The following DPH6 variants were observed in gnomAD, a reference collection of about 807,000 sequenced individuals.
DPH6 encodes the protein diphthine--ammonia ligase.
A neutral mutation model predicts 38.2 loss-of-function variants in DPH6; 33 were observed. The observed-to-expected ratio is 0.86, with a 90% CI of 0.65 to 1.15. The LOEUF (loss-of-function observed/expected upper bound fraction) is 1.15. DPH6 is among the 50% of genes most tolerant of loss of function. The pLI, the probability that DPH6 is intolerant of heterozygous loss-of-function variation, is 0.00. For missense variants in DPH6, 325 were observed against 320.0 expected, an observed-to-expected ratio of 1.02 and a Z score of -0.12; for synonymous variants, 108 against 103.0, an observed-to-expected ratio of 1.05 and a Z score of -0.30.
chr15:35,190,393 G>A, the DPH6 span, among the ~76,000 whole-genome samples: 2 of 152,192 alleles, frequency 1.3e-5, no homozygotes, highest in African/African-American at 2.4e-5. Flanking sequence ...GTCTGAAAGT[G>A]GGGAGTGTTG....
chr15:35,481,878 A>C (rs1198771295), intron 3 of DPH6, among the ~76,000 whole-genome samples: 1 of 152,236 alleles, frequency 6.6e-6, no homozygotes, highest in Non-Finnish European at 1.5e-5. Flanking sequence ...GTAGGATTTC[A>C]ATATGGTAGA....
chr15:35,233,509 A>C (rs551084725), intron 3 of DPH6, among the ~76,000 whole-genome samples: 2 of 152,334 alleles, frequency 1.3e-5, no homozygotes, highest in African/African-American at 4.8e-5. Context: ...AAATCAATAA[A>C]AGAAAATTAG....
At chr15:35,379,329 T>G (rs1293185231) in intron 7 of DPH6, among the ~76,000 whole-genome samples, 3 of 152,236 alleles carry the variant, frequency 2.0e-5, no homozygotes, top group Non-Finnish European at 4.4e-5. Flanking sequence ...GTCATTTGAA[T>G]CAGACGTTTG....
chr15:35,417,944 T>C (rs1213601430), intron 5 of DPH6, among the ~76,000 whole-genome samples: 1 of 152,114 alleles, frequency 6.6e-6, no homozygotes, highest in African/African-American at 2.4e-5. Context: ...CATTAAAACC[T>C]TTGGAGGAGC....
chr15:35,335,643 A>G (rs1188112329), intron 3 of DPH6, among the ~76,000 whole-genome samples: 1 of 152,192 alleles, frequency 6.6e-6, no homozygotes, highest in African/African-American at 2.4e-5. Context: ...CATTTATTAA[A>G]TAGGGAATGC....
chr15:35,400,441 G>T (rs183604270), intron 6 of DPH6, among the ~76,000 whole-genome samples: 1 of 152,124 alleles, frequency 6.6e-6, no homozygotes, highest in Non-Finnish European at 1.5e-5. Flanking sequence ...ATTCCAGAGT[G>T]GAAAGTCAAT....
chr15:35,324,015 T>A (rs1308074609), intron 3 of DPH6, among the ~76,000 whole-genome samples: 1 of 152,168 alleles, frequency 6.6e-6, no homozygotes, highest in African/African-American at 2.4e-5. Flanking sequence ...AGCAGAGGCA[T>A]CAAAGCCAGT....
At chr15:35,347,869 G>C (rs1028306224) in intron 3 of DPH6, among the ~76,000 whole-genome samples, 3 of 151,950 alleles carry the variant, frequency 2.0e-5, no homozygotes, top group Non-Finnish European at 2.9e-5. Context: ...TAATATCATT[G>C]TTGTTTTGAT....
At chr15:35,498,964 A>G (rs2054591470) in intron 3 of DPH6, among the ~76,000 whole-genome samples, 1 of 151,358 alleles carries the variant, frequency 6.6e-6, no homozygotes, top group African/African-American at 2.4e-5. Context: ...AAAAAAAAAA[A>G]AAGTATCCCG....
At chr15:35,383,486 C>CAAAA (rs1337307031) in intron 6 of DPH6, among the ~76,000 whole-genome samples, 5 of 152,328 alleles carry the variant, frequency 3.3e-5, no homozygotes, top group African/African-American at 1.2e-4. Context: ...GATAACGAGA[C>CAAAA]AACCTTCTTG....
rs535469440 is a variant in DPH6 at position 35,463,942 on chromosome 15, G to A, written c.313-9122C>T. Among the ~76,000 whole-genome samples, 5 of 152,216 alleles carry A rather than the reference G, an allele frequency of 3.3e-5. No homozygotes were observed. In the South Asian group the frequency reaches 8.3e-4, roughly 25 times the overall value. On this transcript the variant is annotated intron_variant, in intron 3 of 8. Coordinates refer to ENST00000256538, the MANE Select transcript of DPH6 (RefSeq NM_080650.4). ...AAACACATTAGAAAACAGCACAGTC[G>A]ATGTTCTTAAAAAATTAAAATCTAG...
At chr15:35,298,756 A>G in intron 3 of DPH6, 3 of 1,482,268 alleles carry the variant, frequency 2.0e-6, no homozygotes, top group Non-Finnish European at 2.8e-6. Flanking sequence ...CCCCCAAGTT[A>G]GCGAGGAAGG....
In DPH6 at chr15:35,322,539, T is replaced by C. The variant is rs113146204; in HGVS notation, n.200+50982A>G. Among the ~76,000 whole-genome samples the C allele has an allele frequency of 4.2e-3, 644 of 152,294 alleles. 5 individuals are homozygous for C. The highest frequency in any genetic ancestry group is 0.014 in the African/African-American group (601 of 41,564). ...TCTAATAATTTTTGGTCATGTCATATCTATATTATTTAAAATTTCCTTTCC... is the reference window on the plus strand; with the variant it reads ...TCTAATAATTTTTGGTCATGTCATACCTATATTATTTAAAATTTCCTTTCC... On this transcript the variant is annotated intron_variant and non_coding_transcript_variant, in intron 3 of 3. Coordinates refer to the DPH6 transcript ENST00000560386.
chr15:35,291,499 C>T (rs1288397318), intron 3 of DPH6, among the ~76,000 whole-genome samples: 1 of 152,108 alleles, frequency 6.6e-6, no homozygotes. Flanking sequence ...CAGCATCACA[C>T]TCTTGTCTTT....
chr15:35,493,537 C>T (rs935977545), intron 3 of DPH6, among the ~76,000 whole-genome samples: 7 of 152,096 alleles, frequency 4.6e-5, no homozygotes, highest in Admixed American at 2.0e-4. Context: ...TAGAATGGGA[C>T]ATTCAGAGAT....
chr15:35,291,297 A>G (rs2051978524), intron 3 of DPH6, among the ~76,000 whole-genome samples: 1 of 152,108 alleles, frequency 6.6e-6, no homozygotes, highest in South Asian at 2.1e-4. Context: ...TTTTAGACAC[A>G]TTTGACTTAC....
chr15:35,263,137 A>T (rs1039953838), intron 3 of DPH6, among the ~76,000 whole-genome samples: 2 of 152,204 alleles, frequency 1.3e-5, no homozygotes, highest in Non-Finnish European at 2.9e-5. Context: ...ACTAAGGAAG[A>T]TATTTTAATC....
chr15:35,452,946 A>T (rs2053954291), intron 4 of DPH6, among the ~76,000 whole-genome samples: 2 of 152,198 alleles, frequency 1.3e-5, no homozygotes, highest in Middle Eastern at 3.2e-3. Context: ...TACGATAAGG[A>T]CAGGAAGAAA....
chr15:35,525,005 T>C (rs1566940347), intron 3 of DPH6, among the ~76,000 whole-genome samples: 2 of 152,112 alleles, frequency 1.3e-5, no homozygotes, highest in African/African-American at 4.8e-5. Flanking sequence ...ACAAAAAAAT[T>C]TGAATACTTC....
Sources: allele counts gnomAD v4.1 joint callset (sites outside exome capture counted in the v4.1 genomes callset), GRCh38; gene constraint gnomAD v4.1.1; transcripts MANE v1.5; gene names NCBI Gene and HGNC (gene_info 2026-07-23, HGNC 2026-07-21).